Variants in CDK7 observed in about 807,000 individuals in gnomAD.
The protein encoded by CDK7 is cyclin dependent kinase 7.
Under a neutral mutation model 49.1 loss-of-function variants are expected in CDK7, and 25 were observed. That is an observed-to-expected ratio of 0.51 (90% CI 0.37 to 0.71). The LOEUF is 0.71. Among genes scored for constraint, CDK7 ranks in the 30% least tolerant of loss-of-function variants. CDK7 has a pLI of 0.00. For synonymous variants in CDK7, 107 were observed against 140.0 expected (o/e 0.76, Z 1.67); for missense variants, 316 against 411.7 (o/e 0.77, Z 2.01).
chr5:69,258,060 T>C lies in CDK7; in HGVS notation c.315T>C (p.Asn105=). 2 of 1,563,510 alleles carry C rather than the reference T, an allele frequency of 1.3e-6. No homozygotes were observed. Among genetic ancestry groups the C allele is most frequent in the Non-Finnish European group, 8.8e-7 (1 of 1,140,248 alleles). ...CTTTACAGGTTATAATAAAGGATAA[T>C]AGTCTTGTGCTGACACCATCACACA... The part of the protein sequence containing the change: ...ETDLEVIIKD[N]SLVLTPSHIK... The change falls in exon 6 of 12, where the codon AAT becomes AAC. Residue 105 remains asparagine, a synonymous_variant. Transcript: ENST00000256443.
Position 69,262,201 on chromosome 5 carries a change from T to TCGGGCCCCCGA in CDK7, c.528-4_528-3insCGGGCCCCCGA. ...AAATGATACTAATTCTTTTTGTTCT[T>TCGGGCCCCCGA]TAGGTGGTATCGGGCCCCCGAGTTA... is the stretch of plus-strand genomic sequence containing the variant. On this transcript the variant is annotated splice_region_variant and splice_polypyrimidine_tract_variant and intron_variant, in intron 7 of 11. Transcript: ENST00000256443. 1 of 1,613,382 alleles carries TCGGGCCCCCGA rather than the reference T, an allele frequency of 6.2e-7. No individual in the cohort carries two copies. The highest frequency in any genetic ancestry group is 2.2e-5 in the East Asian group (1 of 44,878).
chr5:69,276,625 C>G lies in CDK7; in HGVS notation c.947C>G (p.Thr316Ser), dbSNP rs1391928550. Residue 316 changes from threonine (T) to serine (S), a missense_variant, in exon 11 of 12, where the codon ACC becomes AGC. Physicochemically the swap from Thr to Ser is moderately conservative, Grantham distance 58. Coordinates refer to ENST00000256443, the MANE Select transcript of CDK7 (RefSeq NM_001799.4). ...CCAAGACCAAACTGTCCAGTGGAAACCTTAAAGGAGCAATCAAATCCAGCT... is the reference window on the plus strand; with the variant it reads ...CCAAGACCAAACTGTCCAGTGGAAAGCTTAAAGGAGCAATCAAATCCAGCT... ...QLPRPNCPVE[T>S]LKEQSNPALA... The G allele has an allele frequency of 6.2e-7, 1 of 1,613,988 alleles. No homozygotes were observed. Among genetic ancestry groups the G allele is most frequent in the Admixed American group, 1.7e-5 (1 of 60,008 alleles).
chr5:69,262,357 C>G, intron 8 of CDK7, 53 bp downstream of exon 8: 1 of 1,611,840 alleles, frequency 6.2e-7, no homozygotes, highest in South Asian at 1.1e-5. Flanking sequence ...GTTATTTGTT[C>G]TGACAGTTTG....
At chr5:69,239,158 A>G (rs1749202567) in intron 2 of CDK7, among the ~76,000 whole-genome samples, 1 of 152,180 alleles carries the variant, frequency 6.6e-6, no homozygotes, top group Non-Finnish European at 1.5e-5. Context: ...TATCACAACC[A>G]TCAGCTTTAC....
At chr5:69,261,486 T>TTC (rs200189016) in intron 7 of CDK7, among the ~76,000 whole-genome samples, 1 of 139,516 alleles carries the variant, frequency 7.2e-6, no homozygotes, top group Non-Finnish European at 1.6e-5. Context: ...ATTGAAAAGG[T>TTC]TCTCTGTGTG....
intron 2 of CDK7, among the ~76,000 whole-genome samples, chr5:69,237,052 T>C (rs1749045539): frequency 6.6e-6 from 1 of 151,510 alleles, no homozygotes. Flanking sequence ...CCACTCCCTT[T>C]AAAACCCTTA....
intron 2 of CDK7, among the ~76,000 whole-genome samples, chr5:69,250,536 T>C (rs1232349771): frequency 2.6e-5 from 4 of 152,098 alleles, no homozygotes; most frequent in Admixed American, 6.6e-5. Flanking sequence ...AGTCAGCTTA[T>C]GCTGGATGCT....
intron 6 of CDK7, among the ~76,000 whole-genome samples, chr5:69,258,603 C>T (rs936255764): frequency 2.6e-5 from 4 of 152,038 alleles, no homozygotes; most frequent in Admixed American, 2.6e-4. Context: ...AGAATGGTCT[C>T]GATCTCCTGG....
chr5:69,244,283 T>A (rs1440808207), intron 2 of CDK7, among the ~76,000 whole-genome samples: 1 of 152,210 alleles, frequency 6.6e-6, no homozygotes, highest in Non-Finnish European at 1.5e-5. Context: ...TTTTTGTATG[T>A]TGATTTTTGT....
chr5:69,260,055 A>T lies in CDK7; in HGVS notation c.527+119A>T, dbSNP rs1750717974. ...TTGTTGATAGATACCGTCTTAAAAA[A>T]TACTGCCATTTGGCCAGGCGCGGTG... On this transcript the variant is annotated intron_variant, in intron 7 of 11. Coordinates refer to ENST00000256443, the MANE Select transcript of CDK7 (RefSeq NM_001799.4). The T allele has an allele frequency of 1.9e-5, 13 of 696,670 alleles. No homozygotes were observed. In the South Asian group the frequency reaches 2.3e-4, roughly 12 times the overall value. The allele number at this position is 696,670 out of a possible 1,614,324, so 43.2% of individuals were successfully genotyped here. A position where few individuals can be genotyped will look rare whatever the true frequency, so the allele number is the denominator to read the frequency against.
At chr5:69,255,085 A>G (rs1241855344) in intron 4 of CDK7, among the ~76,000 whole-genome samples, 3 of 152,214 alleles carry the variant, frequency 2.0e-5, no homozygotes, top group African/African-American at 7.2e-5. Context: ...CCTACCATAG[A>G]AAATGTATTC....
At chr5:69,246,800 C>G (rs56018826) in intron 2 of CDK7, among the ~76,000 whole-genome samples, 1 of 151,132 alleles carries the variant, frequency 6.6e-6, no homozygotes, top group Non-Finnish European at 1.5e-5. Flanking sequence ...GTTGTGTTTC[C>G]GTTATAATTT....
At chr5:69,238,750 C>G (rs1374493353) in intron 2 of CDK7, among the ~76,000 whole-genome samples, 1 of 151,564 alleles carries the variant, frequency 6.6e-6, no homozygotes, top group Non-Finnish European at 1.5e-5. Context: ...TCCACCTCCC[C>G]AGGCTCAAGC....
intron 11 of CDK7, 161 bp downstream of exon 11, chr5:69,276,851 A>G (rs2150248995): frequency 1.4e-6 from 1 of 730,592 alleles, no homozygotes; most frequent in East Asian, 2.7e-5. Flanking sequence ...CGTTTTAGGT[A>G]TGTTTACTTT....
intron 8 of CDK7, among the ~76,000 whole-genome samples, chr5:69,263,481 G>A (rs1750961453): frequency 6.6e-6 from 1 of 152,152 alleles, no homozygotes; most frequent in South Asian, 2.1e-4. Flanking sequence ...AGGATCACTT[G>A]TACTCAGGAG....
At chr5:69,245,849 A>G (rs965280582) in intron 2 of CDK7, among the ~76,000 whole-genome samples, 6 of 152,218 alleles carry the variant, frequency 3.9e-5, no homozygotes, top group Non-Finnish European at 5.9e-5. Context: ...AGTTACTCAT[A>G]GTAGCCACTA....
intron 7 of CDK7, among the ~76,000 whole-genome samples, chr5:69,261,676 G>T (rs1580320009): frequency 1.3e-5 from 2 of 152,050 alleles, no homozygotes; most frequent in South Asian, 4.2e-4. Flanking sequence ...GATTACAGGC[G>T]CCCACCACCA....
chr5:69,264,453 G>C (rs545814700), intron 8 of CDK7, among the ~76,000 whole-genome samples: 2 of 152,270 alleles, frequency 1.3e-5, no homozygotes, highest in African/African-American at 2.4e-5. Context: ...GCTGAGGCAG[G>C]AGAATCTCTT....
At chr5:69,265,080 A>G (rs1751058553) in intron 8 of CDK7, among the ~76,000 whole-genome samples, 1 of 151,998 alleles carries the variant, frequency 6.6e-6, no homozygotes, top group South Asian at 2.1e-4. Flanking sequence ...TGGCTAACAC[A>G]GTGAAACCCC....
Sources: allele counts gnomAD v4.1 joint callset (sites outside exome capture counted in the v4.1 genomes callset), GRCh38; gene constraint gnomAD v4.1.1; transcripts MANE v1.5; gene names NCBI Gene and HGNC (gene_info 2026-07-23, HGNC 2026-07-21).